The following POLD3 variants were observed in gnomAD, a reference collection of about 807,000 sequenced individuals.
The protein encoded by POLD3 is DNA polymerase delta 3, accessory subunit, also known as DNA polymerase delta subunit 3.
Under a neutral mutation model 58.2 loss-of-function variants are expected in POLD3, and 19 were observed. The ratio of observed to expected loss-of-function variants is 0.33; its 90% CI spans 0.23 to 0.48. The LOEUF is 0.48. Among genes scored for constraint, POLD3 ranks in the 20% least tolerant of loss-of-function variants. POLD3 has a pLI of 0.99. For missense variants in POLD3, 504 were observed against 545.5 expected (o/e 0.92, Z 0.76); for synonymous variants, 172 against 193.5 (o/e 0.89, Z 0.92).
chr11:74,647,549 T>A (rs1281879216), downstream of POLD3, among the ~76,000 whole-genome samples: 2 of 152,128 alleles, frequency 1.3e-5, no homozygotes, highest in Non-Finnish European at 2.9e-5. Context: ...CATGTGACTT[T>A]CCCACAGTAT....
At chr11:74,657,425 G>C (rs991828744) in intron 4 of POLD3, among the ~76,000 whole-genome samples, 2 of 151,878 alleles carry the variant, frequency 1.3e-5, no homozygotes, top group African/African-American at 2.4e-5. Flanking sequence ...TTGTATATCT[G>C]TTGTATGTTT....
intron 5 of POLD3, among the ~76,000 whole-genome samples, chr11:74,617,569 T>A (rs559307328): frequency 5.5e-4 from 84 of 152,244 alleles, no homozygotes; most frequent in African/African-American, 1.9e-3. Flanking sequence ...GCCCAGCTAA[T>A]TTTTGTATTT....
chr11:74,666,885 T>C (rs1591332661), intron 4 of POLD3, among the ~76,000 whole-genome samples: 1 of 150,952 alleles, frequency 6.6e-6, no homozygotes, highest in African/African-American at 2.4e-5. Flanking sequence ...TAACAATAGG[T>C]ATCTAGATCA....
At chr11:74,598,743 AGG>A (rs774775620) in intron 2 of POLD3, among the ~76,000 whole-genome samples, 10 of 152,128 alleles carry the variant, frequency 6.6e-5, no homozygotes, top group Non-Finnish European at 1.2e-4. Context: ...TGGTGTCTCC[AGG>A]TAGTCGGACT....
At chr11:74,617,911 G>T (rs1219616933) in intron 5 of POLD3, among the ~76,000 whole-genome samples, 1 of 152,064 alleles carries the variant, frequency 6.6e-6, no homozygotes, top group Non-Finnish European at 1.5e-5. Context: ...TAGAGACAAG[G>T]TTTCACCATG....
chr11:74,636,310 G>C (rs2032749712), intron 11 of POLD3, 35 bp downstream of exon 11: 1 of 1,600,660 alleles, frequency 6.2e-7, no homozygotes, highest in Non-Finnish European at 8.6e-7. Flanking sequence ...TCCAGAGATA[G>C]AATCTCTTAT....
chr11:74,609,324 C>T (rs1472644477), intron 3 of POLD3, among the ~76,000 whole-genome samples: 2 of 124,864 alleles, frequency 1.6e-5, no homozygotes, highest in East Asian at 2.4e-4. Flanking sequence ...ATTGAGTTTG[C>T]CTTCTCCTTC....
intron 7 of POLD3, among the ~76,000 whole-genome samples, chr11:74,621,989 T>C (rs1565121088): frequency 6.6e-6 from 1 of 152,010 alleles, no homozygotes; most frequent in Non-Finnish European, 1.5e-5. Flanking sequence ...CATTTAGCAC[T>C]AGGTATATCT....
intron 2 of POLD3, among the ~76,000 whole-genome samples, chr11:74,603,172 A>G (rs1409645992): frequency 6.6e-6 from 1 of 152,216 alleles, no homozygotes; most frequent in African/African-American, 2.4e-5. Context: ...ACCACTTGGT[A>G]AAGTTTTGTT....
chr11:74,593,730 G>A (rs1036555022), intron 1 of POLD3, among the ~76,000 whole-genome samples: 1 of 152,172 alleles, frequency 6.6e-6, no homozygotes, highest in Non-Finnish European at 1.5e-5. Context: ...GGATGGCTTT[G>A]GCTGGTGGCC....
chr11:74,602,244 C>T (rs2135121635), intron 2 of POLD3, among the ~76,000 whole-genome samples: 1 of 152,218 alleles, frequency 6.6e-6, no homozygotes, highest in South Asian at 2.1e-4. Flanking sequence ...ACACCTGGCG[C>T]TACTGAAAGC....
At chr11:74,660,163 C>A (rs1425175026) in intron 4 of POLD3, among the ~76,000 whole-genome samples, 5 of 152,206 alleles carry the variant, frequency 3.3e-5, no homozygotes, top group African/African-American at 1.2e-4. Flanking sequence ...CCTGATAAAC[C>A]CATCAGATCT....
chr11:74,646,427 C>T (rs548437137), downstream of POLD3, among the ~76,000 whole-genome samples: 5 of 152,236 alleles, frequency 3.3e-5, no homozygotes, highest in South Asian at 8.3e-4. Flanking sequence ...AATCTATAAA[C>T]AAAGATTCAA....
chr11:74,607,730 T>C (rs145975156), intron 3 of POLD3, among the ~76,000 whole-genome samples: 2,635 of 150,576 alleles, frequency 0.017, 78 homozygotes, highest in African/African-American at 0.062. Context: ...TACAGGTGCT[T>C]GCCACCACGC....
intron 3 of POLD3, among the ~76,000 whole-genome samples, chr11:74,608,495 T>C (rs143193225): frequency 2.2e-4 from 34 of 152,254 alleles, no homozygotes; most frequent in African/African-American, 7.9e-4. Context: ...CCTGTTATGC[T>C]AAGAACAGAG....
intron 1 of POLD3, chr11:74,593,063 T>A (rs1228939387): frequency 9.1e-7 from 1 of 1,096,264 alleles, no homozygotes; most frequent in Non-Finnish European, 1.1e-6. Flanking sequence ...AGTTTTAAGT[T>A]TACAGTTGAG....
chr11:74,593,010 T>G (rs1162753730), intron 1 of POLD3: 1 of 1,304,022 alleles, frequency 7.7e-7, no homozygotes, highest in Non-Finnish European at 9.8e-7. Flanking sequence ...CTGAGAGTTC[T>G]AAGGCGTCCC....
chr11:74,621,317 T>C (rs2032248162), intron 7 of POLD3, among the ~76,000 whole-genome samples: 1 of 152,098 alleles, frequency 6.6e-6, no homozygotes, highest in Non-Finnish European at 1.5e-5. Context: ...ACAGCACATG[T>C]GAGGGATCTA....
intron 7 of POLD3, among the ~76,000 whole-genome samples, chr11:74,623,839 T>C (rs1286673048): frequency 6.6e-6 from 1 of 152,238 alleles, no homozygotes; most frequent in African/African-American, 2.4e-5. Flanking sequence ...TGCCTTACAA[T>C]GTTGCATTAA....
Sources: allele counts gnomAD v4.1 joint callset (sites outside exome capture counted in the v4.1 genomes callset), GRCh38; gene constraint gnomAD v4.1.1; transcripts MANE v1.5; gene names NCBI Gene and HGNC (gene_info 2026-07-23, HGNC 2026-07-21).